Variants in STPG2 observed in about 807,000 individuals in gnomAD.
STPG2 encodes sperm tail PG-rich repeat containing 2.
In STPG2, 56 loss-of-function variants were observed where a neutral mutation model predicts 54.2. The ratio of observed to expected loss-of-function variants is 1.03; its 90% confidence interval spans 0.83 to 1.29. The LOEUF is 1.29. STPG2 is among the 50% of genes most tolerant of loss of function. STPG2 has a pLI of 0.00. For synonymous variants in STPG2, 200 were observed against 181.8 expected (o/e 1.10, Z -0.81); for missense variants, 596 against 544.9 (o/e 1.09, Z -0.93).
At chr4:97,729,063 T>TCTCTCTC (rs1724710920) in intron 9 of STPG2, among the ~76,000 whole-genome samples, 1 of 124,844 alleles carries the variant, frequency 8.0e-6, no homozygotes, top group Admixed American at 9.1e-5. Flanking sequence ...CCCCAAGAAT[T>TCTCTCTC]TCTCTCTCTC....
At chr4:97,705,896 A>G (rs951777786) in intron 10 of STPG2, among the ~76,000 whole-genome samples, 3 of 151,992 alleles carry the variant, frequency 2.0e-5, no homozygotes, top group Non-Finnish European at 2.9e-5. Context: ...CAGTAACAAT[A>G]ACATATATAA....
chr4:97,514,256 A>G (rs193026801), intron 4 of STPG2, among the ~76,000 whole-genome samples: 223 of 152,212 alleles, frequency 1.5e-3, no homozygotes, highest in African/African-American at 5.1e-3. Flanking sequence ...TACTGAAGAG[A>G]GAGAGTAAGC....
chr4:97,791,792 T>C (rs1488231714), intron 9 of STPG2, among the ~76,000 whole-genome samples: 1 of 151,782 alleles, frequency 6.6e-6, no homozygotes, highest in Non-Finnish European at 1.5e-5. Flanking sequence ...AATATACATA[T>C]GATGCATCTA....
chr4:98,060,902 T>C (rs1053622423), intron 5 of STPG2, among the ~76,000 whole-genome samples: 1 of 152,148 alleles, frequency 6.6e-6, no homozygotes, highest in African/African-American at 2.4e-5. Flanking sequence ...CCTTTTGCCA[T>C]ATACAAAAAC....
chr4:97,581,838 T>C (rs922708981), intron 10 of STPG2, among the ~76,000 whole-genome samples: 5 of 152,152 alleles, frequency 3.3e-5, no homozygotes, highest in South Asian at 2.1e-4. Context: ...CAAAGAATTA[T>C]AATTGTATTT....
chr4:98,077,548 A>G (rs1738211397), intron 5 of STPG2, among the ~76,000 whole-genome samples: 1 of 152,122 alleles, frequency 6.6e-6, no homozygotes, highest in Non-Finnish European at 1.5e-5. Context: ...CCATATTTTT[A>G]AGAGTATAAA....
intron 4 of STPG2, among the ~76,000 whole-genome samples, chr4:97,522,670 A>C (rs2148847944): frequency 6.6e-6 from 1 of 152,100 alleles, no homozygotes; most frequent in South Asian, 2.1e-4. Flanking sequence ...AATCTTAAGT[A>C]ATAGTCTTAC....
At chr4:98,003,691 A>G (rs1253379999) in intron 5 of STPG2, among the ~76,000 whole-genome samples, 2 of 152,166 alleles carry the variant, frequency 1.3e-5, no homozygotes, top group East Asian at 1.9e-4. Context: ...GCTTACTTCA[A>G]TGTGGTCAAA....
chr4:97,473,401 C>T (rs1258966675), intron 4 of STPG2, among the ~76,000 whole-genome samples: 3 of 152,186 alleles, frequency 2.0e-5, no homozygotes, highest in African/African-American at 7.2e-5. Context: ...TGGCCGTCTT[C>T]TATGGTCGAA....
At chr4:97,735,570 C>T (rs13101468) in intron 9 of STPG2, among the ~76,000 whole-genome samples, 1 of 148,188 alleles carries the variant, frequency 6.7e-6, no homozygotes. Flanking sequence ...TACATATTTA[C>T]ATTTATATAT....
chr4:97,970,201 A>G (rs1734273303), intron 7 of STPG2, among the ~76,000 whole-genome samples: 10 of 152,206 alleles, frequency 6.6e-5, no homozygotes, highest in Admixed American at 6.5e-4. Flanking sequence ...CATGGGTAGG[A>G]AGAATCAATA....
intron 4 of STPG2, among the ~76,000 whole-genome samples, chr4:97,508,557 G>C (rs1250366304): frequency 6.6e-6 from 1 of 151,864 alleles, no homozygotes; most frequent in Non-Finnish European, 1.5e-5. Flanking sequence ...GATTGAATGA[G>C]AATAAAAATG....
chr4:98,021,609 C>T (rs1251087555), intron 5 of STPG2, among the ~76,000 whole-genome samples: 1 of 152,130 alleles, frequency 6.6e-6, no homozygotes, highest in Middle Eastern at 3.2e-3. Flanking sequence ...CTAATGTTGA[C>T]AGTGGGGTCT....
intron 8 of STPG2, among the ~76,000 whole-genome samples, chr4:97,843,197 T>A (rs1728853682): frequency 6.6e-6 from 1 of 151,768 alleles, no homozygotes. Flanking sequence ...TCTTTTTGGC[T>A]TATTGCATGA....
At chr4:97,801,834 C>G (rs565080728) in intron 9 of STPG2, among the ~76,000 whole-genome samples, 3 of 152,214 alleles carry the variant, frequency 2.0e-5, no homozygotes, top group African/African-American at 7.2e-5. Flanking sequence ...TCCCTTTATT[C>G]TCTGCAATGC....
At chr4:97,944,732 A>C (rs1305265444) in intron 7 of STPG2, among the ~76,000 whole-genome samples, 1 of 152,170 alleles carries the variant, frequency 6.6e-6, no homozygotes, top group Non-Finnish European at 1.5e-5. Context: ...GACACATAGT[A>C]GCTAATAGAC....
At chr4:97,515,310 A>C (rs1731053264) in intron 4 of STPG2, among the ~76,000 whole-genome samples, 1 of 152,104 alleles carries the variant, frequency 6.6e-6, no homozygotes, top group African/African-American at 2.4e-5. Flanking sequence ...TCAGAAATGT[A>C]TACCCATTTG....
chr4:97,747,402 G>T (rs994384178), intron 9 of STPG2, among the ~76,000 whole-genome samples: 1 of 151,236 alleles, frequency 6.6e-6, no homozygotes. Flanking sequence ...TACTCTCAAC[G>T]ACTACACTCA....
At chr4:98,142,942 G>A (rs1472344162) in intron 1 of STPG2, 100 bp downstream of exon 1, 3 of 975,766 alleles carry the variant, frequency 3.1e-6, no homozygotes, top group Non-Finnish European at 4.8e-6. Flanking sequence ...TTACAAAATG[G>A]TACTATTCCG....
Sources: allele counts gnomAD v4.1 joint callset (sites outside exome capture counted in the v4.1 genomes callset), GRCh38; gene constraint gnomAD v4.1.1; transcripts MANE v1.5; gene names NCBI Gene and HGNC (gene_info 2026-07-23, HGNC 2026-07-21).